Variants in COL24A1 observed in about 807,000 individuals in gnomAD.
COL24A1 encodes the protein collagen alpha-1(XXIV) chain.
In COL24A1, 224 loss-of-function variants were observed where a neutral mutation model predicts 253.9. The ratio of observed to expected loss-of-function variants is 0.88; its 90% CI spans 0.79 to 0.99. COL24A1 has a LOEUF of 0.99. COL24A1 is among the 50% of genes least tolerant of loss of function. COL24A1 has a pLI of 0.00. For missense variants in COL24A1, 2,131 were observed against 2,068.5 expected (o/e 1.03, Z -0.59); for synonymous variants, 685 against 673.7 (o/e 1.02, Z -0.26).
At chr1:85,967,276 T>C (rs1691661062) in intron 22 of COL24A1, among the ~76,000 whole-genome samples, 1 of 152,046 alleles carries the variant, frequency 6.6e-6, no homozygotes, top group South Asian at 2.1e-4. Context: ...TGAAAGGAGT[T>C]TGAAGAAACA....
intron 55 of COL24A1, among the ~76,000 whole-genome samples, chr1:85,760,105 C>T (rs1157039201): frequency 6.6e-6 from 1 of 151,114 alleles, no homozygotes; most frequent in African/African-American, 2.4e-5. Context: ...GAGACAGAGT[C>T]TTGCTCTGCC....
chr1:86,064,690 C>A (rs1205579031), intron 7 of COL24A1, among the ~76,000 whole-genome samples: 1 of 152,012 alleles, frequency 6.6e-6, no homozygotes, highest in Non-Finnish European at 1.5e-5. Flanking sequence ...TCCTGGGTTT[C>A]AGAATATAGC....
chr1:85,839,377 ATCTT>A (rs1217994655), intron 42 of COL24A1, among the ~76,000 whole-genome samples: 1 of 152,174 alleles, frequency 6.6e-6, no homozygotes, highest in Non-Finnish European at 1.5e-5. Flanking sequence ...TATTTAAGTG[ATCTT>A]TTAAAAGGGA....
At chr1:85,963,419 T>C (rs1016553574) in intron 23 of COL24A1, among the ~76,000 whole-genome samples, 1 of 152,142 alleles carries the variant, frequency 6.6e-6, no homozygotes, top group Non-Finnish European at 1.5e-5. Flanking sequence ...TGCTACTTAG[T>C]TTTAAGGGAG....
chr1:85,844,140 A>G (rs144488352), intron 39 of COL24A1, among the ~76,000 whole-genome samples: 297 of 152,230 alleles, frequency 2.0e-3, no homozygotes, highest in Non-Finnish European at 3.5e-3. Flanking sequence ...AAAAGAAAAG[A>G]GAAAAAGGAA....
At chr1:85,884,274 A>G (rs772040947) in intron 32 of COL24A1, among the ~76,000 whole-genome samples, 3 of 152,114 alleles carry the variant, frequency 2.0e-5, no homozygotes, top group Non-Finnish European at 4.4e-5. Context: ...CATGATGTAA[A>G]TGTAAATGAA....
chr1:85,745,964 C>T (rs1361636443), intron 55 of COL24A1, among the ~76,000 whole-genome samples: 5 of 152,036 alleles, frequency 3.3e-5, no homozygotes, highest in East Asian at 1.9e-4. Flanking sequence ...GATACTTCTG[C>T]GGTTTTAAAA....
chr1:85,917,729 C>T (rs182850271), intron 24 of COL24A1, among the ~76,000 whole-genome samples: 276 of 151,980 alleles, frequency 1.8e-3, no homozygotes, highest in African/African-American at 5.8e-3. Context: ...CTTGCTCTGT[C>T]GCCCAGGCTG....
intron 2 of COL24A1, among the ~76,000 whole-genome samples, chr1:86,136,519 T>C (rs907552191): frequency 6.6e-5 from 10 of 152,142 alleles, no homozygotes; most frequent in Non-Finnish European, 1.3e-4. Context: ...AATGGGAAGA[T>C]AGTATCTCTT....
Position 85,970,966 on chromosome 1 carries a change from A to G in COL24A1, c.2418+374T>C, listed in dbSNP as rs563854232. On this transcript the variant is annotated intron_variant, in intron 21 of 59. Coordinates refer to ENST00000370571, the MANE Select transcript of COL24A1 (RefSeq NM_152890.7). ...AGTGGCTTATACCTGTAATCCCAGC[A>G]CTCTGGGACATTTAGGTGGGAGGAC... Among the ~76,000 whole-genome samples, 21 of 152,306 alleles carry G rather than the reference A, an allele frequency of 1.4e-4. 1 individual carries two copies. In the East Asian group the frequency reaches 4.1e-3, roughly 29 times the overall value.
intron 24 of COL24A1, among the ~76,000 whole-genome samples, chr1:85,952,586 C>T (rs748990768): frequency 6.6e-6 from 1 of 152,198 alleles, no homozygotes; most frequent in African/African-American, 2.4e-5. Flanking sequence ...AAATCTTGTA[C>T]ATCTCAAATA....
At chr1:85,804,457 G>A (rs746482509) in intron 47 of COL24A1, among the ~76,000 whole-genome samples, 73 of 152,114 alleles carry the variant, frequency 4.8e-4, no homozygotes, top group Admixed American at 5.2e-4. Flanking sequence ...GATAGTACAG[G>A]TGCATTAGTC....
intron 5 of COL24A1, among the ~76,000 whole-genome samples, chr1:86,096,289 T>A (rs1365652301): frequency 6.6e-6 from 1 of 152,082 alleles, no homozygotes; most frequent in East Asian, 1.9e-4. Flanking sequence ...TAATTTGGAA[T>A]CTAAAAATTC....
At chr1:85,757,211 G>T (rs578140533) in intron 55 of COL24A1, among the ~76,000 whole-genome samples, 1 of 152,134 alleles carries the variant, frequency 6.6e-6, no homozygotes, top group South Asian at 2.1e-4. Flanking sequence ...GCAAAATTTT[G>T]TTATGTATAT....
intron 24 of COL24A1, among the ~76,000 whole-genome samples, chr1:85,926,330 T>C (rs2103055293): frequency 6.6e-6 from 1 of 152,344 alleles, no homozygotes; most frequent in Middle Eastern, 3.4e-3. Context: ...ACTGGGTATA[T>C]ACCCAAAGGA....
At chr1:86,024,805 A>C (rs374294547) in intron 14 of COL24A1, among the ~76,000 whole-genome samples, 8 of 152,276 alleles carry the variant, frequency 5.3e-5, no homozygotes, top group South Asian at 2.1e-4. Context: ...AATCCAAGTA[A>C]GTATGGAAAG....
chr1:86,070,658 C>T (rs1165619021), intron 7 of COL24A1, among the ~76,000 whole-genome samples: 1 of 152,152 alleles, frequency 6.6e-6, no homozygotes, highest in Non-Finnish European at 1.5e-5. Flanking sequence ...GGAAACCATA[C>T]AGGCCAGGAG....
chr1:85,887,310 A>T (rs1161180406), intron 32 of COL24A1, among the ~76,000 whole-genome samples: 1 of 152,054 alleles, frequency 6.6e-6, no homozygotes, highest in African/African-American at 2.4e-5. Context: ...TAAAAGAGAG[A>T]ATGGACAAAT....
chr1:85,885,397 A>ATATATATAT (rs60994639), intron 32 of COL24A1, among the ~76,000 whole-genome samples: 2 of 128,902 alleles, frequency 1.6e-5, no homozygotes, highest in Admixed American at 8.4e-5. Flanking sequence ...ATATATATAT[A>ATATATATAT]TTTTTTTTTT....
Sources: gnomAD v4.1 joint callset for allele counts (sites outside exome capture counted in the v4.1 genomes callset) on GRCh38, gnomAD v4.1.1 for gene constraint, MANE v1.5 for transcripts, NCBI Gene and HGNC (gene_info 2026-07-23, HGNC 2026-07-21) for gene names.